APEH: variants seen among roughly 807,000 people sequenced by gnomAD.
APEH encodes acylaminoacyl-peptide hydrolase.
In APEH, 75 loss-of-function variants were observed where a neutral mutation model predicts 102.7. The observed-to-expected ratio is 0.73, with a 90% CI of 0.61 to 0.89. The LOEUF is 0.89. APEH is among the 40% of genes least tolerant of loss of function. The probability of loss-of-function intolerance (pLI) is 0.00; values close to 1 mark genes in which losing one functional copy is unlikely to be tolerated. For synonymous variants in APEH, 344 were observed against 362.7 expected (o/e 0.95, Z 0.59); for missense variants, 863 against 941.2 (o/e 0.92, Z 1.09).
In APEH at chr3:49,679,277, C is replaced by T. The variant is rs558825406; in HGVS notation, c.1159-316C>T. On this transcript the variant is annotated intron_variant, in intron 12 of 21. Coordinates refer to ENST00000296456, the MANE Select transcript of APEH (RefSeq NM_001640.4). This position sits in a 1 kb window ranked among gnomAD's most constrained non-coding sequence, Gnocchi z 4.3. ...TGGGGACAGGACTGAGGCCTTCCCC[C>T]AGGGATGGAGTAAAGCCACTCACAG... Among the ~76,000 whole-genome samples the T allele has an allele frequency of 1.7e-4, 26 of 152,304 alleles. No individual in the cohort carries two copies. The East Asian group carries it at 5.0e-3, about 29-fold the overall frequency.
At position 49,679,805 on chromosome 3, in the gene APEH, C is replaced by G. The variant is rs2053236553; in HGVS notation, c.1210+161C>G. ...CTTTACTAACAGGTCCCCAAGGCCC[C>G]TGTCTGTGCAGACCCTTACCCAACC... is the stretch of plus-strand genomic sequence containing the variant. On this transcript the variant is annotated intron_variant, in intron 13 of 21. Transcript: ENST00000296456. The surrounding 1 kb of genome is among the most constrained non-coding windows in gnomAD (Gnocchi z 4.3). 7.0e-6 allele frequency: 5 copies of G among 709,286 alleles called. No homozygotes were observed. The highest frequency in any genetic ancestry group is 1.2e-5 in the Non-Finnish European group (5 of 417,532). 43.9% of individuals were successfully genotyped at this position (709,286 alleles called of 1,614,324 possible).
chr3:49,683,866 G>C lies in APEH; in HGVS notation c.*524G>C. On this transcript the variant is annotated 3_prime_UTR_variant, in exon 22 of 22. Transcript: ENST00000296456. ...AGGCTGGACAGATCACCTAGCCCAG[G>C]GTGTGCTGGGCTCAAGCCACCCGAG... 1 of 1,044,630 alleles carries C rather than the reference G, an allele frequency of 9.6e-7. No homozygotes were observed. Among genetic ancestry groups the C allele is most frequent in the East Asian group, 2.6e-5 (1 of 39,010 alleles). The allele number at this position is 1,044,630 out of a possible 1,614,324, so 64.7% of individuals were successfully genotyped here.
Position 49,683,129 on chromosome 3 carries a change from C to G in APEH, c.2076C>G (p.Thr692=). ...TGGAGTATTACCGTGCCCTCAAGAC[C>G]CGGAATGTGCCTGTTCGGTGAGTGC... ...QGMEYYRALK[T]RNVPVRLLLY... is the part of the protein sequence containing the mutation. The change falls in exon 21 of 22, where the codon ACC becomes ACG. Residue 692 remains threonine, a synonymous_variant. Coordinates refer to ENST00000296456, the MANE Select transcript of APEH (RefSeq NM_001640.4). 6.2e-7 allele frequency: 1 copy of G among 1,614,108 alleles called. No individual in the cohort carries two copies. The highest frequency in any genetic ancestry group is 2.2e-5 in the East Asian group (1 of 44,884).
At chr3:49,674,321 G>T, upstream of APEH, 1 of 1,500,910 alleles carries the variant, frequency 6.7e-7, no homozygotes, top group Non-Finnish European at 8.9e-7. Flanking sequence ...GACAGCCCGG[G>T]CCGTCCCAGG....
intron 14 of APEH, among the ~76,000 whole-genome samples, chr3:49,680,848 G>A (rs934009026): frequency 6.6e-6 from 1 of 152,238 alleles, no homozygotes; most frequent in African/African-American, 2.4e-5. Context: ...CTGGGGAAGT[G>A]CTCTGTCTTG....
chr3:49,683,446 C>A lies in APEH; in HGVS notation c.*104C>A, dbSNP rs1295635901. 2.1e-6 allele frequency: 2 copies of A among 965,236 alleles called. No individual in the cohort carries two copies. Among genetic ancestry groups the A allele is most frequent in the African/African-American group, 3.2e-5 (2 of 62,114 alleles). 59.8% of individuals were successfully genotyped at this position (965,236 alleles called of 1,614,324 possible). Reference sequence around the variant, plus strand: ...AGGAGGCTTTCTGGGCTCTGGACTCCACGGATGCGTGGGCAGAGGAATGTG... The same window carrying A: ...AGGAGGCTTTCTGGGCTCTGGACTCAACGGATGCGTGGGCAGAGGAATGTG... On this transcript the variant is annotated 3_prime_UTR_variant, in exon 22 of 22. Transcript: ENST00000296456.
intron 10 of APEH, 23 bp downstream of exon 10, chr3:49,677,047 G>A: frequency 1.2e-6 from 2 of 1,613,798 alleles, no homozygotes; most frequent in Non-Finnish European, 1.7e-6. Flanking sequence ...TGGCAGGGAT[G>A]GGAGGGTGGT....
In APEH at chr3:49,680,600, T is replaced by A. The variant is rs1436396467; in HGVS notation, c.1270T>A (p.Phe424Ile). 6.2e-7 allele frequency: 1 copy of A among 1,613,826 alleles called. No individual in the cohort carries two copies. The highest frequency in any genetic ancestry group is 1.7e-5 in the Admixed American group (1 of 59,978). Residue 424 changes from phenylalanine (F) to isoleucine (I), a missense_variant, in exon 14 of 22, where the codon TTT becomes ATT. By Grantham distance (21) the Phe-to-Ile change is conservative (BLOSUM62 0). Coordinates refer to ENST00000296456, the MANE Select transcript of APEH (RefSeq NM_001640.4). ...TIDQDLMVAQ[F>I]STPSLPPTLK... ...TGACCAGGACCTCATGGTGGCACAG[T>A]TTTCCACACCCAGCCTACCTCCAAC... is the stretch of plus-strand genomic sequence containing the variant.
chr3:49,677,608 A>C lies in APEH; in HGVS notation c.1035A>C (p.Val345=). The change falls in exon 11 of 22, where the codon GTA becomes GTC. Residue 345 remains valine, a synonymous_variant. Coordinates refer to ENST00000296456, the MANE Select transcript of APEH (RefSeq NM_001640.4). The stretch of plus-strand genomic sequence containing the variant: ...ATACCAAGGTTACCTCAGTGGTGGT[A>C]GATGTTGTGCCTCGGCAGCTGGGAG... ...DWYTKVTSVV[V]DVVPRQLGEN... is the part of the protein sequence containing the mutation. 6.2e-7 allele frequency: 1 copy of C among 1,613,876 alleles called. No individual in the cohort carries two copies. Among genetic ancestry groups the C allele is most frequent in the Non-Finnish European group, 8.5e-7 (1 of 1,179,836 alleles).
At chr3:49,680,170 G>A (rs753378837) in intron 13 of APEH, 9 of 310,438 alleles carry the variant, frequency 2.9e-5, no homozygotes, top group South Asian at 2.1e-4. Flanking sequence ...TCATTCCAAA[G>A]CTACATCTCA....
Position 49,676,200 on chromosome 3 carries a change from A to G in APEH, c.587A>G (p.Lys196Arg). 6.2e-7 allele frequency: 1 copy of G among 1,614,028 alleles called. No individual in the cohort carries two copies. The highest frequency in any genetic ancestry group is 8.5e-7 in the Non-Finnish European group (1 of 1,179,998). The change falls in exon 6 of 22, where the codon AAG becomes AGG. Residue 196 changes from lysine to arginine, a missense_variant. By Grantham distance (26) the Lys-to-Arg change is conservative. Transcript: ENST00000296456. ...GATGATGAGATAGCCAGGCTGAAGA[A>G]GCCAGACCAAGCCATCAAGGTGCTC... ...ASDDEIARLKKPDQAIKGDQF... is the reference protein window; with the variant it reads ...ASDDEIARLKRPDQAIKGDQF...
intron 12 of APEH, 32 bp downstream of exon 12, chr3:49,678,981 C>A: frequency 6.3e-7 from 1 of 1,583,954 alleles, no homozygotes. Flanking sequence ...GAGGGGCAGC[C>A]CCTGTGGTCA....
Position 49,679,017 on chromosome 3 carries a change from T to C in APEH, c.1158+68T>C, listed in dbSNP as rs1241809144. 3 of 1,318,084 alleles carry C rather than the reference T, an allele frequency of 2.3e-6. No individual in the cohort carries two copies. In the East Asian group the frequency reaches 6.9e-5, roughly 30 times the overall value. The allele number at this position is 1,318,084 out of a possible 1,614,324, so 81.6% of individuals were successfully genotyped here. On this transcript the variant is annotated intron_variant, in intron 12 of 21. Transcript: ENST00000296456. The surrounding 1 kb of genome is among the most constrained non-coding windows in gnomAD (Gnocchi z 4.3). The stretch of plus-strand genomic sequence containing the variant: ...ACCCCCAGGAGCCCTGGGGGTTGCA[T>C]GTGCATGCCCCTGGGTGGAATGCCC...
chr3:49,675,411 G>C, intron 3 of APEH, 102 bp downstream of exon 3: 1 of 1,504,924 alleles, frequency 6.6e-7, no homozygotes, highest in Non-Finnish European at 9.0e-7. Context: ...CCAGCAGCCA[G>C]GTTCTTGCCC....
Position 49,676,102 on chromosome 3 carries a change from G to T in APEH, c.489G>T (p.Leu163Phe). The change falls in exon 6 of 22, where the codon TTG becomes TTT. Residue 163 changes from leucine to phenylalanine, a missense_variant. Coordinates refer to ENST00000296456, the MANE Select transcript of APEH (RefSeq NM_001640.4). ...GGTCGCACTCGGAGACACACTTGTT[G>T]TATGTGGCAGAGAAGAAGCGCCCCA... ...LSWSHSETHL[L>F]YVAEKKRPKA... The T allele has an allele frequency of 1.2e-6, 2 of 1,614,262 alleles. No individual in the cohort carries two copies. Among genetic ancestry groups the T allele is most frequent in the Non-Finnish European group, 1.7e-6 (2 of 1,180,038 alleles).
In APEH at chr3:49,681,736, G is replaced by C; in HGVS notation, c.1453G>C (p.Glu485Gln). The part of the protein sequence containing the change: ...ENVQYAGLDF[E>Q]AILLQPGSPP... ...TCTCCCTGCAGCTGGCCTTGACTTT[G>C]AAGCAATCCTGCTGCAGCCTGGCAG... is the stretch of plus-strand genomic sequence containing the variant. Residue 485 changes from glutamate to glutamine, a missense_variant, in exon 16 of 22, where the codon GAA (glutamate) becomes CAA (glutamine). Coordinates refer to ENST00000296456, the MANE Select transcript of APEH (RefSeq NM_001640.4). The C allele has an allele frequency of 6.3e-7, 1 of 1,596,062 alleles. No individual in the cohort carries two copies. The highest frequency in any genetic ancestry group is 8.5e-7 in the Non-Finnish European group (1 of 1,170,060).
chr3:49,675,102 C>G, intron 2 of APEH, 81 bp from the exon 3 acceptor site: 4 of 1,575,964 alleles, frequency 2.5e-6, no homozygotes, highest in Non-Finnish European at 3.5e-6. Context: ...TAGATCTAGG[C>G]CTTCCTGGGT....
Position 49,683,369 on chromosome 3 carries a change from C to G in APEH, c.*27C>G. ...GCCCTGCCATTCTGCATGAGCTGAT[C>G]AGCCTGTGCCACACTTCGCTCTTGA... On this transcript the variant is annotated 3_prime_UTR_variant, in exon 22 of 22. Transcript: ENST00000296456. 2 of 1,575,438 alleles carry G rather than the reference C, an allele frequency of 1.3e-6. No homozygotes were observed. The highest frequency in any genetic ancestry group is 1.7e-6 in the Non-Finnish European group (2 of 1,145,528).
At chr3:49,676,752 C>CT (rs1559632053) in intron 8 of APEH, 25 bp from the exon 9 acceptor site, 1 of 1,614,268 alleles carries the variant, frequency 6.2e-7, no homozygotes. Context: ...GGCCTTGAGA[C>CT]TGAGTGTCTG....
Sources: allele counts gnomAD v4.1 joint callset (sites outside exome capture counted in the v4.1 genomes callset), GRCh38; gene constraint gnomAD v4.1.1; non-coding constraint Gnocchi (gnomAD v3.1); transcripts MANE v1.5; gene names NCBI Gene and HGNC (gene_info 2026-07-23, HGNC 2026-07-21).